Variants in RBFOX1 observed in about 807,000 individuals in gnomAD.
RBFOX1 encodes the protein RNA binding protein fox-1 homolog 1.
Under a neutral mutation model 57.7 loss-of-function variants are expected in RBFOX1, and 8 were observed. That is an observed-to-expected ratio of 0.14 (90% CI 0.08 to 0.25). The LOEUF is 0.25. Among genes scored for constraint, RBFOX1 ranks in the 10% least tolerant of loss-of-function variants. RBFOX1 has a pLI of 1.00. For synonymous variants in RBFOX1, 326 were observed against 222.4 expected (o/e 1.47, Z -4.15); for missense variants, 611 against 548.5 (o/e 1.11, Z -1.14).
At chr16:6,560,057 C>G (rs920429580) in intron 2 of RBFOX1, among the ~76,000 whole-genome samples, 1 of 152,044 alleles carries the variant, frequency 6.6e-6, no homozygotes, top group Non-Finnish European at 1.5e-5. Context: ...TCCACACTTT[C>G]CCATTTCCCT....
rs144881372 is a variant in RBFOX1 at position 6,932,296 on chromosome 16, G to A, written c.-15-119761G>A. Among the ~76,000 whole-genome samples, 59 of 152,022 alleles carry A rather than the reference G, an allele frequency of 3.9e-4. 1 individual carries two copies. Among genetic ancestry groups the A allele is most frequent in the African/African-American group, 1.3e-3 (53 of 41,482 alleles). ...TTTTTTTTGAATTTTCAGTAGAGAC[G>A]GGGTTTCACCCTGTTGGCCAAGCTG... is the stretch of plus-strand genomic sequence containing the variant. On this transcript the variant is annotated intron_variant, in intron 3 of 15. Transcript: ENST00000550418.
At chr16:6,311,664 A>G (rs8056061) in intron 1 of RBFOX1, among the ~76,000 whole-genome samples, 2,248 of 152,272 alleles carry the variant, frequency 0.015, 43 homozygotes, top group African/African-American at 0.049. Context: ...GAGTCCAGGA[A>G]GGCATGAATC....
intron 2 of RBFOX1, among the ~76,000 whole-genome samples, chr16:6,607,192 A>G (rs908508567): frequency 6.6e-5 from 10 of 152,164 alleles, no homozygotes; most frequent in African/African-American, 2.4e-4. Context: ...TGTTCATCTG[A>G]CTACTGATTG....
In RBFOX1 at chr16:5,326,815, T is replaced by C. The variant is rs760976177; in HGVS notation, c.219+86710T>C. On this transcript the variant is annotated intron_variant, in intron 1 of 2. Coordinates refer to the RBFOX1 transcript ENST00000585867. ...CTTCTGCCTGCTAGGCACTATCTGC[T>C]AATTCCATTTTAATATCAGACGTCC... 8.5e-5 allele frequency among the ~76,000 whole-genome samples: 13 copies of C among 152,230 alleles called. 1 individual carries two copies. The highest frequency in any genetic ancestry group is 1.8e-4 in the Non-Finnish European group (12 of 68,038).
At chr16:7,533,576 C>G (rs2080694954) in intron 5 of RBFOX1, among the ~76,000 whole-genome samples, 1 of 152,196 alleles carries the variant, frequency 6.6e-6, no homozygotes, top group Admixed American at 6.5e-5. Context: ...TAAAGATACA[C>G]AGAACACTTG....
intron 3 of RBFOX1, among the ~76,000 whole-genome samples, chr16:6,923,821 T>G (rs1310927737): frequency 2.0e-5 from 3 of 152,142 alleles, no homozygotes; most frequent in African/African-American, 7.2e-5. Flanking sequence ...CCATGAAACT[T>G]CAGGCAAGTG....
chr16:7,019,304 G>C (rs1395473634), intron 3 of RBFOX1, among the ~76,000 whole-genome samples: 1 of 152,074 alleles, frequency 6.6e-6, no homozygotes, highest in Admixed American at 6.6e-5. Flanking sequence ...TGATGTTTAG[G>C]ATGAAAAGGG....
At chr16:6,874,549 G>A (rs999016467) in intron 3 of RBFOX1, among the ~76,000 whole-genome samples, 6 of 147,872 alleles carry the variant, frequency 4.1e-5, no homozygotes, top group Non-Finnish European at 7.4e-5. Context: ...TGAAATAATG[G>A]CATTCGCAAC....
At chr16:6,140,044 CGT>C (rs59136957) in intron 1 of RBFOX1, among the ~76,000 whole-genome samples, 4,666 of 152,238 alleles carry the variant, frequency 0.031, 249 homozygotes, top group African/African-American at 0.11. Flanking sequence ...CTTCTCCCCA[CGT>C]TTTCCCTTTG....
chr16:7,390,773 G>C (rs1356988029), intron 4 of RBFOX1, among the ~76,000 whole-genome samples: 2 of 152,128 alleles, frequency 1.3e-5, no homozygotes, highest in Non-Finnish European at 2.9e-5. Context: ...GACAGAAAGA[G>C]ACTATTTTCT....
chr16:5,331,078 T>C (rs2064741632), intron 1 of RBFOX1, among the ~76,000 whole-genome samples: 1 of 152,186 alleles, frequency 6.6e-6, no homozygotes, highest in South Asian at 2.1e-4. Context: ...GATGTGGCTC[T>C]AGGAGAAAGG....
At chr16:7,112,540 A>C (rs1457138714) in intron 4 of RBFOX1, among the ~76,000 whole-genome samples, 1 of 152,018 alleles carries the variant, frequency 6.6e-6, no homozygotes, top group Non-Finnish European at 1.5e-5. Context: ...ATTGTCCATC[A>C]AGTCAGAACC....
chr16:7,615,321 A>G (rs1320989638), intron 10 of RBFOX1, among the ~76,000 whole-genome samples: 2 of 138,790 alleles, frequency 1.4e-5, no homozygotes, highest in Non-Finnish European at 3.1e-5. Flanking sequence ...CAATAGAGCA[A>G]GACTCCATCT....
At chr16:5,681,370 T>C (rs1232628307) in intron 3 of RBFOX1, among the ~76,000 whole-genome samples, 1 of 148,972 alleles carries the variant, frequency 6.7e-6, no homozygotes, top group Admixed American at 6.7e-5. Flanking sequence ...AGGCATGAGC[T>C]ACCGTGCCCA....
chr16:6,185,320 C>T (rs775122385), intron 1 of RBFOX1, among the ~76,000 whole-genome samples: 5 of 152,352 alleles, frequency 3.3e-5, no homozygotes, highest in Non-Finnish European at 5.9e-5. Context: ...TCCATTCTCT[C>T]TTGAATTCAT....
At chr16:6,007,444 T>G (rs2094934290) in intron 4 of RBFOX1, among the ~76,000 whole-genome samples, 1 of 152,196 alleles carries the variant, frequency 6.6e-6, no homozygotes, top group Admixed American at 6.5e-5. Flanking sequence ...GGATCCTTCT[T>G]CAGTCAGGTC....
intron 4 of RBFOX1, among the ~76,000 whole-genome samples, chr16:7,230,452 T>C (rs2093432920): frequency 6.6e-6 from 1 of 152,152 alleles, no homozygotes; most frequent in African/African-American, 2.4e-5. Flanking sequence ...TTTTGAGATG[T>C]AGATCAGCTT....
intron 4 of RBFOX1, among the ~76,000 whole-genome samples, chr16:7,130,396 A>G (rs1348474403): frequency 1.3e-5 from 2 of 152,134 alleles, no homozygotes; most frequent in Non-Finnish European, 2.9e-5. Context: ...TGTGCTCTGG[A>G]AATTCTCTGA....
chr16:6,725,310 C>A (rs1281083466), intron 3 of RBFOX1, among the ~76,000 whole-genome samples: 2 of 151,906 alleles, frequency 1.3e-5, no homozygotes, highest in African/African-American at 4.8e-5. Flanking sequence ...CTCGGCCTCC[C>A]AAAGTGCTGG....
Sources: allele counts gnomAD v4.1 joint callset (sites outside exome capture counted in the v4.1 genomes callset), GRCh38; gene constraint gnomAD v4.1.1; transcripts MANE v1.5; gene names NCBI Gene and HGNC (gene_info 2026-07-23, HGNC 2026-07-21).